SPATA13: variants seen among roughly 807,000 people sequenced by gnomAD.
SPATA13 encodes spermatogenesis-associated protein 13.
SPATA13 carries 50 observed loss-of-function variants against 104.0 expected under a neutral mutation model. The ratio of observed to expected loss-of-function variants is 0.48; its 90% CI spans 0.38 to 0.61. SPATA13 has a LOEUF of 0.61. Among genes scored for constraint, SPATA13 ranks in the 20% least tolerant of loss-of-function variants. SPATA13 has a pLI of 0.00. For missense variants in SPATA13, 1,524 were observed against 1,690.6 expected (o/e 0.90, Z 1.73); for synonymous variants, 606 against 667.5 (o/e 0.91, Z 1.42).
intron 1 of SPATA13, among the ~76,000 whole-genome samples, chr13:24,164,698 C>T (rs913133764): frequency 2.0e-5 from 3 of 152,156 alleles, no homozygotes; most frequent in African/African-American, 7.2e-5. Context: ...GACTGGACCC[C>T]GGGCTGCCTG....
chr13:24,087,412 C>G (rs1484866790), intron 3 of SPATA13, among the ~76,000 whole-genome samples: 1 of 152,206 alleles, frequency 6.6e-6, no homozygotes, highest in Non-Finnish European at 1.5e-5. Context: ...ACTTATGTTT[C>G]CTTTTAGTCG....
At chr13:24,173,713 G>A (rs2138510785) in intron 1 of SPATA13, among the ~76,000 whole-genome samples, 1 of 152,214 alleles carries the variant, frequency 6.6e-6, no homozygotes, top group South Asian at 2.1e-4. Context: ...ATCAGTTGAT[G>A]TGATTGTGTG....
At chr13:24,269,923 T>C (rs944169130) in intron 4 of SPATA13, among the ~76,000 whole-genome samples, 1 of 151,650 alleles carries the variant, frequency 6.6e-6, no homozygotes, top group South Asian at 2.1e-4. Flanking sequence ...GGTCTTGCTA[T>C]GTTGCCCAGA....
At chr13:23,994,914 AGGT>A (rs752424178) in intron 2 of SPATA13, among the ~76,000 whole-genome samples, 7 of 152,346 alleles carry the variant, frequency 4.6e-5, no homozygotes, top group Non-Finnish European at 8.8e-5. Context: ...TGCTGTAAAC[AGGT>A]GAATTGGTGT....
chr13:24,251,605 A>G, intron 3 of SPATA13, 113 bp from the exon 4 acceptor site: 3 of 1,520,518 alleles, frequency 2.0e-6, no homozygotes, highest in Admixed American at 2.1e-5. Flanking sequence ...AGGATTGGAG[A>G]AACCATTTCA....
chr13:23,985,302 A>G (rs1401758018), intron 2 of SPATA13, among the ~76,000 whole-genome samples: 4 of 152,224 alleles, frequency 2.6e-5, no homozygotes, highest in Non-Finnish European at 4.4e-5. Context: ...TGAGTAGTTT[A>G]TGATCCTGCT....
intron 4 of SPATA13, among the ~76,000 whole-genome samples, chr13:24,266,442 G>A (rs909251316): frequency 1.2e-4 from 18 of 152,042 alleles, no homozygotes; most frequent in East Asian, 3.9e-4. Flanking sequence ...GTGTCACCAA[G>A]CTGGGCTAAT....
At chr13:24,285,680 CTTTT>C (rs3067301) in intron 5 of SPATA13, among the ~76,000 whole-genome samples, 5 of 129,862 alleles carry the variant, frequency 3.9e-5, no homozygotes, top group Admixed American at 1.6e-4. Flanking sequence ...CCACATCTGG[CTTTT>C]TTTTTTTTTT....
chr13:24,135,697 C>CAAAAAAAAA (rs34145507), intron 3 of SPATA13, among the ~76,000 whole-genome samples: 1 of 82,328 alleles, frequency 1.2e-5, no homozygotes, highest in Non-Finnish European at 2.3e-5. Flanking sequence ...GAATCCGTCT[C>CAAAAAAAAA]AAAAAAAAAA....
intron 3 of SPATA13, among the ~76,000 whole-genome samples, chr13:24,153,096 G>T (rs1484901506): frequency 6.6e-6 from 1 of 152,244 alleles, no homozygotes; most frequent in Non-Finnish European, 1.5e-5. Flanking sequence ...TGGGACTTGG[G>T]CATCCTCTGT....
Position 24,249,630 on chromosome 13 carries a change from A to G in SPATA13, c.1807A>G (p.Ile603Val). 6.2e-7 allele frequency: 1 copy of G among 1,613,582 alleles called. No individual in the cohort carries two copies. The highest frequency in any genetic ancestry group is 2.2e-5 in the East Asian group (1 of 44,880). ...CCAGCTGGCCAGCCGCAGTTTGTCTATTCCTGAAGACTCGGTTGCTGCAGA... is the reference window on the plus strand; with the variant it reads ...CCAGCTGGCCAGCCGCAGTTTGTCTGTTCCTGAAGACTCGGTTGCTGCAGA... ...YGQLASRSLS[I>V]PEDSVAADPQ... Residue 603 changes from isoleucine (I) to valine (V), a missense_variant, in exon 3 of 13, where the codon ATT becomes GTT. By Grantham distance (29) the Ile-to-Val change is conservative. This residue lies in a region of SPATA13 where 1,089 missense variants were observed against 1,135.9 expected (regional missense o/e 0.96). Transcript: ENST00000382108.
chr13:24,267,210 C>T (rs1193723634), intron 4 of SPATA13, among the ~76,000 whole-genome samples: 1 of 152,140 alleles, frequency 6.6e-6, no homozygotes, highest in East Asian at 1.9e-4. Context: ...AATAGTGTGA[C>T]TCTCTTCCCT....
chr13:24,257,367 A>T (rs1343593105), intron 4 of SPATA13, among the ~76,000 whole-genome samples: 1 of 152,242 alleles, frequency 6.6e-6, no homozygotes, highest in East Asian at 1.9e-4. Context: ...TCAAAAAAAG[A>T]TACCTGGTCT....
At chr13:24,156,917 C>G (rs1403439374), upstream of SPATA13, among the ~76,000 whole-genome samples, 3 of 152,184 alleles carry the variant, frequency 2.0e-5, no homozygotes, top group Non-Finnish European at 4.4e-5. Flanking sequence ...AACCAACCCC[C>G]TTTTGTCCCC....
At chr13:24,064,999 A>G (rs532242853) in intron 3 of SPATA13, among the ~76,000 whole-genome samples, 126 of 66,570 alleles carry the variant, frequency 1.9e-3, no homozygotes, top group Non-Finnish European at 3.5e-3. Flanking sequence ...CACAGGAGCC[A>G]GGATAATGAA....
chr13:24,178,817 A>G (rs1868605480), intron 1 of SPATA13, among the ~76,000 whole-genome samples: 1 of 152,198 alleles, frequency 6.6e-6, no homozygotes, highest in Admixed American at 6.5e-5. Context: ...TTTAAAGTAT[A>G]TAATTCAGTT....
chr13:24,273,546 C>T (rs1874767616), intron 4 of SPATA13, among the ~76,000 whole-genome samples: 1 of 152,166 alleles, frequency 6.6e-6, no homozygotes, highest in Non-Finnish European at 1.5e-5. Flanking sequence ...CATTCTGGAA[C>T]ATGAAACATA....
intron 3 of SPATA13, among the ~76,000 whole-genome samples, chr13:24,047,102 A>C (rs1014084979): frequency 2.0e-5 from 3 of 152,292 alleles, no homozygotes; most frequent in African/African-American, 7.2e-5. Context: ...GTCCTGGTGC[A>C]CTGAGTCCAC....
Position 24,087,921 on chromosome 13 carries a change from G to A in SPATA13, c.-112+70220G>A, listed in dbSNP as rs570406627. ...CGGTAGTCTTGCCCATTGCTCACTG[G>A]CTGCAGCCCCTGAGGTCAGCCAGCC... On this transcript the variant is annotated intron_variant, in intron 3 of 14. Transcript: ENST00000424834. Among the ~76,000 whole-genome samples, 12 of 152,322 alleles carry A rather than the reference G, an allele frequency of 7.9e-5. No individual in the cohort carries two copies. In the South Asian group the frequency reaches 2.5e-3, roughly 32 times the overall value.
Sources: gnomAD v4.1 joint callset for allele counts (sites outside exome capture counted in the v4.1 genomes callset) on GRCh38, gnomAD v4.1.1 for gene constraint, gnomAD v4.1.1 regional missense constraint, MANE v1.5 for transcripts, NCBI Gene and HGNC (gene_info 2026-07-23, HGNC 2026-07-21) for gene names.